Variants in SPOCK3 observed in about 807,000 individuals in gnomAD.
The protein encoded by SPOCK3 is testican-3.
SPOCK3 carries 30 observed loss-of-function variants against 56.6 expected under a neutral mutation model. That is an observed-to-expected ratio of 0.53 (90% CI 0.40 to 0.72). The LOEUF is 0.72. Among genes scored for constraint, SPOCK3 ranks in the 30% least tolerant of loss-of-function variants. The probability of loss-of-function intolerance (pLI) is 0.00; values close to 1 mark genes in which losing one functional copy is unlikely to be tolerated. For synonymous variants in SPOCK3, 196 were observed against 183.3 expected (o/e 1.07, Z -0.56); for missense variants, 527 against 530.0 (o/e 0.99, Z 0.06).
chr4:166,868,783 T>C (rs1235828686), intron 6 of SPOCK3, among the ~76,000 whole-genome samples: 1 of 152,154 alleles, frequency 6.6e-6, no homozygotes, highest in African/African-American at 2.4e-5. Context: ...ATGCTATGTG[T>C]ACATTTCTCA....
chr4:167,111,480 T>G (rs1760895293), intron 2 of SPOCK3, among the ~76,000 whole-genome samples: 1 of 152,110 alleles, frequency 6.6e-6, no homozygotes, highest in Non-Finnish European at 1.5e-5. Flanking sequence ...AAGACATTAT[T>G]CTACATAATA....
chr4:166,857,897 C>T lies in SPOCK3; in HGVS notation c.589+31233G>A, dbSNP rs531311788. Among the ~76,000 whole-genome samples, 28 of 152,242 alleles carry T rather than the reference C, an allele frequency of 1.8e-4. No homozygotes were observed. The South Asian group carries it at 5.2e-3, about 28-fold the overall frequency. ...CCTATTTTCTTATAATTGTATTCTC[C>T]TTTTCTATGTATCTTGGGGATAACA... On this transcript the variant is annotated intron_variant, in intron 6 of 10. Transcript: ENST00000357545.
rs569531935 is a variant in SPOCK3 at position 167,138,099 on chromosome 4, T to C, written c.190-75562A>G. ...ATGACCAATTATCTGAGCACCATTT[T>C]ATTAAAAAGTCACTTTTTATTGAGT... is the stretch of plus-strand genomic sequence containing the variant. On this transcript the variant is annotated intron_variant, in intron 2 of 10. Coordinates refer to ENST00000357545, the MANE Select transcript of SPOCK3 (RefSeq NM_001040159.2). Among the ~76,000 whole-genome samples, 4 of 151,896 alleles carry C rather than the reference T, an allele frequency of 2.6e-5. No homozygotes were observed. The East Asian group carries it at 7.7e-4, about 29-fold the overall frequency.
At chr4:167,208,864 T>TA (rs1363245123) in intron 2 of SPOCK3, among the ~76,000 whole-genome samples, 1 of 152,152 alleles carries the variant, frequency 6.6e-6, no homozygotes, top group African/African-American at 2.4e-5. Context: ...AATATCTTGA[T>TA]AAGGAAAACA....
chr4:167,114,929 A>T (rs1761203645), intron 2 of SPOCK3, among the ~76,000 whole-genome samples: 1 of 152,104 alleles, frequency 6.6e-6, no homozygotes. Flanking sequence ...GAGAAAAAAA[A>T]ACAATAGAAT....
intron 5 of SPOCK3, among the ~76,000 whole-genome samples, chr4:166,897,271 C>T (rs191902719): frequency 2.0e-5 from 3 of 152,050 alleles, no homozygotes; most frequent in East Asian, 1.9e-4. Flanking sequence ...GACAAGTACC[C>T]GATGTATTGC....
intron 4 of SPOCK3, among the ~76,000 whole-genome samples, chr4:166,967,156 A>G (rs1264675287): frequency 2.6e-5 from 4 of 152,116 alleles, no homozygotes; most frequent in Admixed American, 2.0e-4. Context: ...AAATTTGGTC[A>G]CCTCAGCAGC....
chr4:167,135,606 C>A (rs1763046924), intron 2 of SPOCK3, among the ~76,000 whole-genome samples: 1 of 151,548 alleles, frequency 6.6e-6, no homozygotes, highest in Admixed American at 6.6e-5. Flanking sequence ...CATGGCAGAT[C>A]AAAAACCCAG....
At chr4:166,912,768 A>G (rs780279439) in intron 4 of SPOCK3, 25 bp from the exon 5 acceptor site, 1 of 1,572,386 alleles carries the variant, frequency 6.4e-7, no homozygotes, top group East Asian at 2.3e-5. Context: ...AAGCAAGCAT[A>G]TTGAGCATAT....
chr4:166,789,031 A>C (rs1446456020), intron 7 of SPOCK3, among the ~76,000 whole-genome samples: 2 of 151,496 alleles, frequency 1.3e-5, no homozygotes, highest in African/African-American at 2.4e-5. Flanking sequence ...ATTGTAAAAT[A>C]CATTTTTATT....
At chr4:167,147,640 T>C (rs1764079116) in intron 2 of SPOCK3, among the ~76,000 whole-genome samples, 1 of 152,086 alleles carries the variant, frequency 6.6e-6, no homozygotes, top group Non-Finnish European at 1.5e-5. Flanking sequence ...ATAAAAAGGA[T>C]GAGTTCATGT....
At chr4:166,844,322 A>T (rs771566207) in intron 6 of SPOCK3, among the ~76,000 whole-genome samples, 1 of 152,218 alleles carries the variant, frequency 6.6e-6, no homozygotes, top group Non-Finnish European at 1.5e-5. Context: ...GACTACAGGA[A>T]ATTGATGTAA....
At position 167,224,579 on chromosome 4, in the gene SPOCK3, C is replaced by A. The variant is rs1489857120; in HGVS notation, c.189+9406G>T. Reference sequence around the variant, plus strand: ...GTTTTTTCCTAATTAATTTCCTAATCAACAGTAAACCAAGCTACCAAATGT... The same window carrying A: ...GTTTTTTCCTAATTAATTTCCTAATAAACAGTAAACCAAGCTACCAAATGT... On this transcript the variant is annotated intron_variant, in intron 2 of 10. Transcript: ENST00000357545. Among the ~76,000 whole-genome samples, 4 of 152,024 alleles carry A rather than the reference C, an allele frequency of 2.6e-5. No individual in the cohort carries two copies. In the South Asian group the frequency reaches 8.3e-4, roughly 31 times the overall value.
chr4:166,860,200 T>C (rs80344640), intron 6 of SPOCK3, among the ~76,000 whole-genome samples: 408 of 152,224 alleles, frequency 2.7e-3, no homozygotes, highest in Non-Finnish European at 4.8e-3. Flanking sequence ...CTAGGGAAGA[T>C]TATGCATGGA....
chr4:167,172,879 C>A (rs181287289), intron 2 of SPOCK3, among the ~76,000 whole-genome samples: 1 of 152,068 alleles, frequency 6.6e-6, no homozygotes, highest in Non-Finnish European at 1.5e-5. Flanking sequence ...TATGCTTTTT[C>A]AAGAGCACAT....
At chr4:166,972,946 ACAAACAATGGCTT>A (rs923936070) in intron 4 of SPOCK3, among the ~76,000 whole-genome samples, 4 of 152,160 alleles carry the variant, frequency 2.6e-5, no homozygotes, top group African/African-American at 9.7e-5. Flanking sequence ...ATTTTAAACT[ACAAACAATGGCTT>A]AGGCATATTC....
intron 6 of SPOCK3, among the ~76,000 whole-genome samples, chr4:166,814,173 A>G (rs1370887131): frequency 6.6e-6 from 1 of 152,020 alleles, no homozygotes; most frequent in African/African-American, 2.4e-5. Flanking sequence ...AAACAACGGC[A>G]ATTTTGTGAA....
chr4:166,851,674 T>C (rs1730103658), intron 6 of SPOCK3, among the ~76,000 whole-genome samples: 1 of 151,966 alleles, frequency 6.6e-6, no homozygotes, highest in Non-Finnish European at 1.5e-5. Context: ...TGTGGAGAAA[T>C]AGGAACACTT....
intron 4 of SPOCK3, among the ~76,000 whole-genome samples, chr4:166,966,861 T>C (rs540978144): frequency 6.6e-6 from 1 of 152,238 alleles, no homozygotes; most frequent in South Asian, 2.1e-4. Flanking sequence ...ACTGTTATAG[T>C]GATAAATTAG....
Sources: gnomAD v4.1 joint callset for allele counts (sites outside exome capture counted in the v4.1 genomes callset) on GRCh38, gnomAD v4.1.1 for gene constraint, MANE v1.5 for transcripts, NCBI Gene and HGNC (gene_info 2026-07-23, HGNC 2026-07-21) for gene names.